Variants in KIAA1549L observed in about 807,000 individuals in gnomAD.
KIAA1549L encodes UPF0606 protein KIAA1549L.
KIAA1549L carries 88 observed loss-of-function variants against 160.7 expected under a neutral mutation model. That is an observed-to-expected ratio of 0.55 (90% CI 0.46 to 0.65). The LOEUF (loss-of-function observed/expected upper bound fraction) is 0.65, where lower values mean the gene tolerates loss of function less well. KIAA1549L is among the 30% of genes least tolerant of loss of function. The probability of loss-of-function intolerance (pLI) is 0.00; values close to 1 mark genes in which losing one functional copy is unlikely to be tolerated. For missense variants in KIAA1549L, 2,258 were observed against 2,437.5 expected, an observed-to-expected ratio of 0.93 and a Z score of 1.55; for synonymous variants, 950 against 976.7, an observed-to-expected ratio of 0.97 and a Z score of 0.51.
At position 33,560,168 on chromosome 11, in the gene KIAA1549L, G is replaced by A. The variant is rs756545783; in HGVS notation, c.4018+257G>A. Among the ~76,000 whole-genome samples the A allele has an allele frequency of 2.6e-5, 4 of 152,296 alleles. No individual in the cohort carries two copies. The East Asian group carries it at 5.8e-4, about 22-fold the overall frequency. On this transcript the variant is annotated intron_variant, in intron 7 of 20. Transcript: ENST00000658780. ...AAGAAAGCACTTGCTAGTTGCCTTC[G>A]TCCTTTGCATTTCTCTTATCTCATT...
chr11:33,631,225 C>T (rs962254008), intron 16 of KIAA1549L, among the ~76,000 whole-genome samples: 1 of 152,230 alleles, frequency 6.6e-6, no homozygotes, highest in South Asian at 2.1e-4. Flanking sequence ...CTCTAAGCTC[C>T]CAGCTCAGCA....
At position 33,552,222 on chromosome 11, in the gene KIAA1549L, A is replaced by T. The variant is rs1046656571; in HGVS notation, c.3836A>T (p.Lys1279Ile). 1.9e-6 allele frequency: 3 copies of T among 1,603,876 alleles called. No homozygotes were observed. Among genetic ancestry groups the T allele is most frequent in the Admixed American group, 3.4e-5 (2 of 58,392 alleles). Residue 1279 changes from lysine (K) to isoleucine (I), a missense_variant, in exon 6 of 21, where the codon AAA (lysine) becomes ATA (isoleucine). By Grantham distance (102) the Lys-to-Ile change is moderately radical. Transcript: ENST00000658780. ...QDAERKVLNTKSNLTIQIVST... is the reference protein window; with the variant it reads ...QDAERKVLNTISNLTIQIVST... ...GCCGAGAGGAAAGTCCTGAATACCA[A>T]AAGCAACTTGACAATTCAGGTAGGG...
At chr11:33,520,412 A>T (rs746618011) in intron 1 of KIAA1549L, among the ~76,000 whole-genome samples, 1 of 151,482 alleles carries the variant, frequency 6.6e-6, no homozygotes, top group Non-Finnish European at 1.5e-5. Context: ...GGCTTATTTC[A>T]CTTAACATAA....
intron 17 of KIAA1549L, among the ~76,000 whole-genome samples, chr11:33,649,125 G>A (rs963399818): frequency 4.6e-5 from 7 of 152,050 alleles, no homozygotes; most frequent in South Asian, 4.1e-4. Context: ...CAAATCCCAC[G>A]CTCTTTCTAC....
At chr11:33,665,768 C>G (rs1057229680) in intron 20 of KIAA1549L, among the ~76,000 whole-genome samples, 3 of 152,144 alleles carry the variant, frequency 2.0e-5, no homozygotes, top group African/African-American at 7.2e-5. Flanking sequence ...ATTCATGGCC[C>G]TGGGGGCTTG....
intron 1 of KIAA1549L, among the ~76,000 whole-genome samples, chr11:33,420,567 G>C (rs77859296): frequency 0.049 from 7,466 of 152,170 alleles, 299 homozygotes; most frequent in African/African-American, 0.1. Context: ...TTCTGAAGAA[G>C]TTGTATGGAT....
intron 18 of KIAA1549L, among the ~76,000 whole-genome samples, chr11:33,656,898 G>A (rs1852083720): frequency 6.6e-6 from 1 of 152,164 alleles, no homozygotes; most frequent in African/African-American, 2.4e-5. Context: ...CCGAGCCTGG[G>A]TGGAAAGCAG....
chr11:33,623,149 C>T (rs1851005550), intron 16 of KIAA1549L, among the ~76,000 whole-genome samples: 2 of 152,224 alleles, frequency 1.3e-5, no homozygotes, highest in African/African-American at 4.8e-5. Flanking sequence ...GCCCCAGCAC[C>T]TTACAGCTTT....
intron 15 of KIAA1549L, among the ~76,000 whole-genome samples, chr11:33,612,684 G>T (rs1290286141): frequency 6.6e-6 from 1 of 151,706 alleles, no homozygotes; most frequent in Non-Finnish European, 1.5e-5. Flanking sequence ...GGGGTTGGTT[G>T]TATGGATTAT....
chr11:33,407,012 G>A (rs576312128), intron 1 of KIAA1549L, among the ~76,000 whole-genome samples: 1 of 151,896 alleles, frequency 6.6e-6, no homozygotes, highest in Non-Finnish European at 1.5e-5. Context: ...CTCAAGGTAG[G>A]GACTCTTTGT....
At chr11:33,666,010 T>C (rs561600785) in intron 20 of KIAA1549L, among the ~76,000 whole-genome samples, 1 of 152,240 alleles carries the variant, frequency 6.6e-6, no homozygotes, top group African/African-American at 2.4e-5. Flanking sequence ...TCCTGCCTGC[T>C]CCGTGGAGGG....
intron 1 of KIAA1549L, among the ~76,000 whole-genome samples, chr11:33,536,968 A>G (rs1318960732): frequency 1.3e-5 from 2 of 152,104 alleles, no homozygotes. Context: ...CATCCTCCCC[A>G]CCAAACTAAA....
At chr11:33,427,187 C>G (rs1332660295) in intron 1 of KIAA1549L, among the ~76,000 whole-genome samples, 1 of 152,132 alleles carries the variant, frequency 6.6e-6, no homozygotes, top group African/African-American at 2.4e-5. Context: ...TGCCCATTCT[C>G]TAGGGTGACT....
chr11:33,396,331 C>T (rs2134056550), intron 1 of KIAA1549L, among the ~76,000 whole-genome samples: 1 of 152,230 alleles, frequency 6.6e-6, no homozygotes, highest in South Asian at 2.1e-4. Context: ...GAAAAATATC[C>T]ATGAGAAGAT....
intron 1 of KIAA1549L, among the ~76,000 whole-genome samples, chr11:33,530,868 C>T (rs1853754264): frequency 6.6e-6 from 1 of 152,104 alleles, no homozygotes; most frequent in African/African-American, 2.4e-5. Flanking sequence ...GCAACCTTAT[C>T]CAATATGGAA....
intron 15 of KIAA1549L, among the ~76,000 whole-genome samples, chr11:33,610,967 G>T (rs1356448269): frequency 6.6e-6 from 1 of 152,156 alleles, no homozygotes; most frequent in Non-Finnish European, 1.5e-5. Flanking sequence ...GAGCCCTCAT[G>T]GCCCTGTCAC....
intron 1 of KIAA1549L, among the ~76,000 whole-genome samples, chr11:33,466,917 A>G (rs887518374): frequency 1.4e-5 from 2 of 139,766 alleles, no homozygotes; most frequent in African/African-American, 5.2e-5. Flanking sequence ...GAGTTGAACA[A>G]TGAGAACACA....
At chr11:33,446,370 C>T (rs950019902) in intron 1 of KIAA1549L, among the ~76,000 whole-genome samples, 3 of 152,168 alleles carry the variant, frequency 2.0e-5, no homozygotes, top group Non-Finnish European at 2.9e-5. Flanking sequence ...GCTGGGATTA[C>T]GGACATGAGC....
At chr11:33,516,174 C>T (rs535670696) in intron 1 of KIAA1549L, among the ~76,000 whole-genome samples, 1 of 41,774 alleles carries the variant, frequency 2.4e-5, no homozygotes, top group Non-Finnish European at 3.7e-5. Context: ...TTTTTTGAGA[C>T]GGAGTCTCGC....
Sources: gnomAD v4.1 joint callset for allele counts (sites outside exome capture counted in the v4.1 genomes callset) on GRCh38, gnomAD v4.1.1 for gene constraint, MANE v1.5 for transcripts, NCBI Gene and HGNC (gene_info 2026-07-23, HGNC 2026-07-21) for gene names.